Variants in NALF1 observed in about 807,000 individuals in gnomAD.
NALF1 encodes the protein family with sequence similarity 155 member A.
A neutral mutation model predicts 48.4 loss-of-function variants in NALF1; 3 were observed. The ratio of observed to expected loss-of-function variants is 0.06; its 90% CI spans 0.03 to 0.16. NALF1 has a LOEUF of 0.16. Among genes scored for constraint, NALF1 ranks in the 10% least tolerant of loss-of-function variants. The pLI, the probability that NALF1 is intolerant of heterozygous loss-of-function variation, is 1.00. For missense variants in NALF1, 526 were observed against 571.5 expected, an observed-to-expected ratio of 0.92 and a Z score of 0.81; for synonymous variants, 262 against 245.7, an observed-to-expected ratio of 1.07 and a Z score of -0.62.
chr13:107,408,216 G>A (rs1254324805), intron 1 of NALF1, among the ~76,000 whole-genome samples: 1 of 151,842 alleles, frequency 6.6e-6, no homozygotes, highest in African/African-American at 2.4e-5. Flanking sequence ...GTAACAGGGT[G>A]ATTATAGTGA....
intron 1 of NALF1, among the ~76,000 whole-genome samples, chr13:107,330,253 C>A (rs1201357917): frequency 1.3e-5 from 2 of 152,120 alleles, no homozygotes; most frequent in African/African-American, 4.8e-5. Context: ...TATTTTGGCT[C>A]TAATGATGAG....
chr13:107,556,088 A>T (rs1448304374), intron 1 of NALF1, among the ~76,000 whole-genome samples: 2 of 151,980 alleles, frequency 1.3e-5, no homozygotes, highest in African/African-American at 4.8e-5. Context: ...ACTTGAAAGT[A>T]ATTCTGGTTT....
chr13:107,654,663 A>AT (rs1416061182), intron 1 of NALF1, among the ~76,000 whole-genome samples: 3 of 151,984 alleles, frequency 2.0e-5, no homozygotes, highest in Non-Finnish European at 4.4e-5. Context: ...GTATCACCCT[A>AT]ATACCAAAAC....
intron 1 of NALF1, among the ~76,000 whole-genome samples, chr13:107,519,315 T>C (rs1263940007): frequency 2.6e-5 from 4 of 151,610 alleles, no homozygotes; most frequent in Non-Finnish European, 4.4e-5. Context: ...GAATACTGAA[T>C]GAAGAAGAGA....
At chr13:107,500,778 A>C (rs1875496326) in intron 1 of NALF1, among the ~76,000 whole-genome samples, 1 of 151,932 alleles carries the variant, frequency 6.6e-6, no homozygotes, top group Non-Finnish European at 1.5e-5. Flanking sequence ...GCAGCCATAA[A>C]AAATGATGAG....
intron 2 of NALF1, 54 bp from the exon 3 acceptor site, chr13:107,170,840 A>G: frequency 6.6e-7 from 1 of 1,514,032 alleles, no homozygotes; most frequent in Admixed American, 1.7e-5. Flanking sequence ...TTTGCGACAT[A>G]GTAGAGTGAA....
At chr13:107,734,402 A>AC (rs1491584735) in intron 1 of NALF1, among the ~76,000 whole-genome samples, 7 of 137,946 alleles carry the variant, frequency 5.1e-5, no homozygotes, top group Admixed American at 3.5e-4. Context: ...TTTTTCCTTT[A>AC]AAAAAAAACA....
chr13:107,818,745 G>T (rs867897587), intron 1 of NALF1, among the ~76,000 whole-genome samples: 2 of 144,012 alleles, frequency 1.4e-5, no homozygotes, highest in Non-Finnish European at 3.0e-5. Flanking sequence ...GGTAGCGGGC[G>T]CCTGTAGTCC....
At chr13:107,262,079 A>T (rs1880938485) in intron 1 of NALF1, among the ~76,000 whole-genome samples, 1 of 152,206 alleles carries the variant, frequency 6.6e-6, no homozygotes, top group Admixed American at 6.5e-5. Context: ...AAAATTCAGC[A>T]TGCTTCTACA....
At chr13:107,283,248 T>C (rs1566473934) in intron 1 of NALF1, among the ~76,000 whole-genome samples, 1 of 152,120 alleles carries the variant, frequency 6.6e-6, no homozygotes, top group African/African-American at 2.4e-5. Flanking sequence ...ACTGGTGAAA[T>C]ATTTATTTAT....
intron 1 of NALF1, among the ~76,000 whole-genome samples, chr13:107,511,078 C>A (rs1875873985): frequency 6.6e-6 from 1 of 152,132 alleles, no homozygotes; most frequent in Admixed American, 6.6e-5. Context: ...CTGAGATGTC[C>A]CATGCTTTCC....
chr13:107,365,933 C>T (rs1039772918), intron 1 of NALF1, among the ~76,000 whole-genome samples: 3 of 152,198 alleles, frequency 2.0e-5, no homozygotes, highest in Non-Finnish European at 2.9e-5. Flanking sequence ...CCGATGAAAT[C>T]GGAAGTTCAA....
intron 1 of NALF1, among the ~76,000 whole-genome samples, chr13:107,360,005 A>G (rs1317258466): frequency 6.6e-6 from 1 of 152,202 alleles, no homozygotes; most frequent in Non-Finnish European, 1.5e-5. Flanking sequence ...ATGACAACAA[A>G]TAGGTTATGC....
rs1218583967 is a variant in NALF1, at chr13:107,866,030, C to T, written c.567G>A (p.Ala189=). 5.6e-6 allele frequency: 9 copies of T among 1,612,016 alleles called. No homozygotes were observed. Among genetic ancestry groups the T allele is most frequent in the Non-Finnish European group, 7.6e-6 (9 of 1,179,902 alleles). ...GQCFTVENAD[A]VCARNWSRGA... ...CCCGACTCCAGTTCCTGGCGCACAC[C>T]GCGTCCGCATTCTCCACCGTGAAGC... The change falls in exon 1 of 3, where the codon GCG becomes GCA. Residue 189 remains alanine (A), a synonymous_variant. Coordinates refer to ENST00000375915, the MANE Select transcript of NALF1 (RefSeq NM_001080396.3). This position sits in a 1 kb window ranked among gnomAD's most constrained non-coding sequence, Gnocchi z 4.4.
At chr13:107,251,453 T>C (rs1057255278) in intron 1 of NALF1, among the ~76,000 whole-genome samples, 3 of 152,218 alleles carry the variant, frequency 2.0e-5, no homozygotes, top group Non-Finnish European at 2.9e-5. Flanking sequence ...GATTGTGCTT[T>C]TTTTACAGCT....
intron 1 of NALF1, among the ~76,000 whole-genome samples, chr13:107,774,952 C>T: frequency 6.6e-6 from 1 of 152,130 alleles, no homozygotes; most frequent in East Asian, 1.9e-4. Flanking sequence ...GATGTAAATG[C>T]CTATGTCTCC....
intron 1 of NALF1, among the ~76,000 whole-genome samples, chr13:107,808,041 G>GA (rs1878859509): frequency 6.6e-6 from 1 of 152,042 alleles, no homozygotes; most frequent in Non-Finnish European, 1.5e-5. Context: ...ATCTTTAAGA[G>GA]AAAAATGAGG....
intron 2 of NALF1, among the ~76,000 whole-genome samples, chr13:107,201,168 CATCTATCTATCTATCT>C (rs10596555): frequency 6.6e-6 from 1 of 150,480 alleles, no homozygotes; most frequent in African/African-American, 2.5e-5. Context: ...ATCTATCTAT[CATCTATCTATCTATCT>C]ATCTATCTAT....
chr13:107,666,709 A>T (rs1594193919), intron 1 of NALF1, among the ~76,000 whole-genome samples: 1 of 152,318 alleles, frequency 6.6e-6, no homozygotes, highest in African/African-American at 2.4e-5. Flanking sequence ...CTTCCACATC[A>T]TCTCATTCCT....
Sources: gnomAD v4.1 joint callset for allele counts (sites outside exome capture counted in the v4.1 genomes callset) on GRCh38, gnomAD v4.1.1 for gene constraint, Gnocchi (gnomAD v3.1) non-coding constraint, MANE v1.5 for transcripts, NCBI Gene and HGNC (gene_info 2026-07-23, HGNC 2026-07-21) for gene names.